RSPO2: variants seen among roughly 807,000 people sequenced by gnomAD.
RSPO2 encodes R-spondin 2.
RSPO2 carries 14 observed loss-of-function variants against 30.9 expected under a neutral mutation model. That is an observed-to-expected ratio of 0.45 (90% confidence interval 0.30 to 0.71). RSPO2 has a LOEUF of 0.71. Among genes scored for constraint, RSPO2 ranks in the 30% least tolerant of loss-of-function variants. RSPO2 has a pLI of 0.08. For missense variants in RSPO2, 264 were observed against 301.9 expected, an observed-to-expected ratio of 0.87 and a Z score of 0.93; for synonymous variants, 107 against 96.4, an observed-to-expected ratio of 1.11 and a Z score of -0.64.
At chr8:108,068,341 G>T (rs998046440) in intron 2 of RSPO2, among the ~76,000 whole-genome samples, 1 of 152,120 alleles carries the variant, frequency 6.6e-6, no homozygotes, top group Non-Finnish European at 1.5e-5. Context: ...AGTCCAGGGG[G>T]TGCCATTAAT....
chr8:107,962,975 TG>T (rs1326855230), intron 3 of RSPO2, among the ~76,000 whole-genome samples: 1 of 152,176 alleles, frequency 6.6e-6, no homozygotes, highest in Non-Finnish European at 1.5e-5. Context: ...TATTGTTACT[TG>T]TAGCTCCCTT....
intron 2 of RSPO2, among the ~76,000 whole-genome samples, chr8:108,069,049 G>A (rs1812759226): frequency 6.6e-6 from 1 of 152,312 alleles, no homozygotes; most frequent in Non-Finnish European, 1.5e-5. Flanking sequence ...CCTTCATCTG[G>A]TTTATTCTTG....
chr8:107,982,037 GGAAA>G (rs1366082186), intron 3 of RSPO2, among the ~76,000 whole-genome samples: 23 of 137,660 alleles, frequency 1.7e-4, no homozygotes, highest in African/African-American at 5.4e-4. Flanking sequence ...AAAAAAGGAA[GGAAA>G]GAAAGAAGAA....
chr8:107,980,983 C>T (rs58601824), intron 3 of RSPO2, among the ~76,000 whole-genome samples: 14,487 of 152,170 alleles, frequency 0.095, 920 homozygotes, highest in East Asian at 0.22. Flanking sequence ...ATCCTCCAAA[C>T]GAAGACATTT....
At chr8:107,951,620 G>A (rs530634509) in intron 5 of RSPO2, among the ~76,000 whole-genome samples, 1 of 152,106 alleles carries the variant, frequency 6.6e-6, no homozygotes, top group African/African-American at 2.4e-5. Flanking sequence ...ACCCATAAAA[G>A]AGACTAGTAC....
intron 5 of RSPO2, among the ~76,000 whole-genome samples, chr8:107,939,435 T>C (rs1586561570): frequency 6.6e-6 from 1 of 151,502 alleles, no homozygotes; most frequent in Middle Eastern, 3.4e-3. Flanking sequence ...AAAGTTATTA[T>C]GGGACAGTTA....
chr8:107,996,803 C>A, intron 2 of RSPO2: 1 of 363,696 alleles, frequency 2.7e-6, no homozygotes, highest in Non-Finnish European at 5.4e-6. Context: ...ATCTCAGAGT[C>A]AACAAACTGT....
At chr8:108,003,295 ATATATATATATATATATTT>A (rs1815323150) in intron 2 of RSPO2, among the ~76,000 whole-genome samples, 1 of 27,438 alleles carries the variant, frequency 3.6e-5, no homozygotes, top group South Asian at 1.7e-3. Context: ...ATATATATAT[ATATATATATATATATATTT>A]TTTTTTTTTT....
At chr8:107,972,978 A>G (rs1487848769) in intron 3 of RSPO2, among the ~76,000 whole-genome samples, 1 of 152,174 alleles carries the variant, frequency 6.6e-6, no homozygotes, top group Non-Finnish European at 1.5e-5. Flanking sequence ...TTTGTTTAAG[A>G]AAAAGCTGGC....
chr8:108,064,914 A>G (rs1002653232), intron 2 of RSPO2, among the ~76,000 whole-genome samples: 3 of 152,090 alleles, frequency 2.0e-5, no homozygotes, highest in African/African-American at 7.2e-5. Context: ...TCAACAAACT[A>G]TCACAGGGAC....
At chr8:108,025,858 T>G (rs1475651147) in intron 2 of RSPO2, among the ~76,000 whole-genome samples, 1 of 152,174 alleles carries the variant, frequency 6.6e-6, no homozygotes, top group Non-Finnish European at 1.5e-5. Flanking sequence ...TTAATGAATA[T>G]AAAATTAATG....
chr8:107,932,227 G>GGT, intron 5 of RSPO2, among the ~76,000 whole-genome samples: 1 of 152,216 alleles, frequency 6.6e-6, no homozygotes, highest in East Asian at 1.9e-4. Flanking sequence ...AGTAGAGCTG[G>GGT]GTTAAGAGAG....
At chr8:107,984,586 A>G (rs529118655) in intron 3 of RSPO2, among the ~76,000 whole-genome samples, 2 of 152,320 alleles carry the variant, frequency 1.3e-5, no homozygotes, top group South Asian at 2.1e-4. Context: ...GCTTTTTTAA[A>G]CAAATTACCA....
chr8:107,983,317 C>T, intron 3 of RSPO2: 1 of 1,607,118 alleles, frequency 6.2e-7, no homozygotes, highest in Non-Finnish European at 8.5e-7. Context: ...TATGAAACAG[C>T]TCCTCCTCAT....
intron 5 of RSPO2, among the ~76,000 whole-genome samples, chr8:107,936,437 C>T (rs906697132): frequency 3.3e-5 from 5 of 152,084 alleles, no homozygotes; most frequent in African/African-American, 1.2e-4. Context: ...TGAAGAAAAT[C>T]ACACAGAAAT....
chr8:108,028,483 C>G (rs1183544782), intron 2 of RSPO2, among the ~76,000 whole-genome samples: 1 of 152,178 alleles, frequency 6.6e-6, no homozygotes, highest in African/African-American at 2.4e-5. Context: ...GAGTGGACAC[C>G]TGTTCACACA....
intron 2 of RSPO2, among the ~76,000 whole-genome samples, chr8:107,993,706 C>G (rs1238882948): frequency 2.0e-5 from 3 of 152,126 alleles, no homozygotes; most frequent in Non-Finnish European, 2.9e-5. Flanking sequence ...ATTCTAGAGA[C>G]TAGAAGTCTG....
At chr8:108,026,974 A>T (rs890854837) in intron 2 of RSPO2, among the ~76,000 whole-genome samples, 3 of 152,230 alleles carry the variant, frequency 2.0e-5, no homozygotes, top group Non-Finnish European at 4.4e-5. Context: ...TAAAAAATAT[A>T]GTCAATCCAA....
chr8:107,954,180 G>A (rs1475674569), intron 5 of RSPO2, among the ~76,000 whole-genome samples: 1 of 152,180 alleles, frequency 6.6e-6, no homozygotes. Context: ...AGATCATGAT[G>A]TTGGTCAATC....
Sources: allele counts gnomAD v4.1 joint callset (sites outside exome capture counted in the v4.1 genomes callset), GRCh38; gene constraint gnomAD v4.1.1; transcripts MANE v1.5; gene names NCBI Gene and HGNC (gene_info 2026-07-23, HGNC 2026-07-21).